Variants in DENND2B observed in about 807,000 individuals in gnomAD.
DENND2B encodes the protein DENN domain containing 2B.
DENND2B carries 32 observed loss-of-function variants against 116.0 expected under a neutral mutation model. The ratio of observed to expected loss-of-function variants is 0.28; its 90% confidence interval spans 0.21 to 0.37. DENND2B has a LOEUF of 0.37. DENND2B is among the 10% of genes least tolerant of loss of function. The pLI, the probability that DENND2B is intolerant of heterozygous loss-of-function variation, is 1.00. For missense variants in DENND2B, 1,276 were observed against 1,477.7 expected (o/e 0.86, Z 2.24); for synonymous variants, 588 against 583.9 (o/e 1.01, Z -0.10).
intron 3 of DENND2B, among the ~76,000 whole-genome samples, chr11:8,853,425 A>G (rs570891244): frequency 6.6e-6 from 1 of 152,316 alleles, no homozygotes; most frequent in Non-Finnish European, 1.5e-5. Context: ...CTCCGCTGCC[A>G]AGTGAGGACA....
At position 8,711,133 on chromosome 11, in the gene DENND2B, T is replaced by G; in HGVS notation, c.2271A>C (p.Ser757=). The G allele has an allele frequency of 6.2e-7, 1 of 1,614,098 alleles. No individual in the cohort carries two copies. Among genetic ancestry groups the G allele is most frequent in the African/African-American group, 1.3e-5 (1 of 75,052 alleles). Residue 757 remains serine, a synonymous_variant, in exon 10 of 20, where the codon TCA becomes TCC. Coordinates refer to ENST00000313726, the MANE Select transcript of DENND2B (RefSeq NM_213618.2). ...AGGCCAGGCCTCACCTGCTATACTC[T>G]GACACAGGAAGCCAGTCCTTGGCAT... ...FPDAKDWLPV[S]EYSSETFSFM...
chr11:8,804,547 C>CTTTTTTTTT (rs58169547), intron 1 of DENND2B, among the ~76,000 whole-genome samples: 5 of 129,628 alleles, frequency 3.9e-5, no homozygotes, highest in Non-Finnish European at 6.3e-5. Flanking sequence ...GCAGCTACTT[C>CTTTTTTTTT]TTTTTTTTTT....
chr11:8,808,756 G>C (rs1295819200), intron 1 of DENND2B: 12 of 152,260 alleles, frequency 7.9e-5, no homozygotes, highest in African/African-American at 2.9e-4. Context: ...CCTCCCAACA[G>C]TCCTGTGAAG....
intron 4 of DENND2B, chr11:8,831,797 G>A (rs932750440): frequency 1.3e-5 from 2 of 152,264 alleles, no homozygotes; most frequent in Admixed American, 1.3e-4. Context: ...CTTCTACCCA[G>A]TGTGTGTTCA....
upstream of DENND2B, among the ~76,000 whole-genome samples, chr11:8,871,753 A>G (rs764066807): frequency 4.1e-4 from 62 of 152,332 alleles, no homozygotes; most frequent in Non-Finnish European, 8.4e-4. Context: ...TTGCAAAAAC[A>G]AAAACTAGAA....
At chr11:8,887,122 G>A (rs905140090) in intron 1 of DENND2B, among the ~76,000 whole-genome samples, 2 of 152,092 alleles carry the variant, frequency 1.3e-5, no homozygotes, top group South Asian at 2.1e-4. Context: ...GAGCCACCAC[G>A]CCCGGCCTGT....
intron 1 of DENND2B, among the ~76,000 whole-genome samples, chr11:8,899,737 G>A (rs1431962616): frequency 2.0e-5 from 3 of 152,192 alleles, no homozygotes; most frequent in Non-Finnish European, 4.4e-5. Context: ...TGATTTTAGA[G>A]TTACTCAAAT....
rs1256599661 is a variant in DENND2B at position 8,702,729 on chromosome 11, G to C, written c.2572-9C>G. On this transcript the variant is annotated splice_polypyrimidine_tract_variant and intron_variant, in intron 13 of 19. Coordinates refer to ENST00000313726, the MANE Select transcript of DENND2B (RefSeq NM_213618.2). This position sits in a 1 kb window ranked among gnomAD's most constrained non-coding sequence, Gnocchi z 4.6. ...CGCCGCAGCTCTAACACCTGCAGGA[G>C]AGCGATGGGAAAGTGGGCCGGGGCC... 1.9e-6 allele frequency: 3 copies of C among 1,609,724 alleles called. No individual in the cohort carries two copies. The highest frequency in any genetic ancestry group is 4.5e-5 in the East Asian group (2 of 44,858).
chr11:8,853,170 C>T (rs986844660), intron 3 of DENND2B, among the ~76,000 whole-genome samples: 5 of 152,052 alleles, frequency 3.3e-5, no homozygotes, highest in Non-Finnish European at 7.4e-5. Flanking sequence ...TCGAGACCGG[C>T]CTGGCCAACA....
chr11:8,711,002 G>T, intron 10 of DENND2B, 88 bp from the exon 11 acceptor site: 1 of 1,573,970 alleles, frequency 6.4e-7, no homozygotes, highest in Non-Finnish European at 8.7e-7. Context: ...TTTCACGTGG[G>T]GTGAAGGGCC....
chr11:8,766,677 CA>C (rs1169462116), intron 1 of DENND2B: 48 of 1,288,104 alleles, frequency 3.7e-5, no homozygotes, highest in Non-Finnish European at 3.8e-5. Flanking sequence ...CTATGCGCCC[CA>C]CCTCCATTCT....
chr11:8,880,369 G>GTGTGTGTGTGTGTC (rs2063890758), intron 2 of DENND2B, among the ~76,000 whole-genome samples: 1 of 151,796 alleles, frequency 6.6e-6, no homozygotes. Context: ...GTGTGTGTGT[G>GTGTGTGTGTGTGTC]TGTGTGTGTG....
intron 1 of DENND2B, among the ~76,000 whole-genome samples, chr11:8,756,189 A>G (rs2053575244): frequency 6.6e-6 from 1 of 152,066 alleles, no homozygotes; most frequent in East Asian, 1.9e-4. Flanking sequence ...CATGACCAGA[A>G]ACTGAAACAT....
At chr11:8,717,952 C>A (rs185407969) in intron 4 of DENND2B, 60 bp from the exon 5 acceptor site, 3 of 1,567,862 alleles carry the variant, frequency 1.9e-6, no homozygotes, top group African/African-American at 2.7e-5. Context: ...CACGAACTCA[C>A]ACACACACAA....
At chr11:8,798,423 T>C (rs2060019174) in intron 1 of DENND2B, among the ~76,000 whole-genome samples, 1 of 152,170 alleles carries the variant, frequency 6.6e-6, no homozygotes, top group Non-Finnish European at 1.5e-5. Flanking sequence ...GACTGAGGAT[T>C]AACTTTTGGG....
intron 4 of DENND2B, among the ~76,000 whole-genome samples, chr11:8,820,812 T>A (rs1336129189): frequency 6.6e-6 from 1 of 152,268 alleles, no homozygotes; most frequent in South Asian, 2.1e-4. Flanking sequence ...AGATGGACTA[T>A]TGTGCAGCCA....
intron 4 of DENND2B, chr11:8,718,515 G>A: frequency 6.9e-7 from 1 of 1,456,068 alleles, no homozygotes; most frequent in South Asian, 1.4e-5. Flanking sequence ...TTAGCAAGGA[G>A]GAAGTGTTCA....
At chr11:8,698,592 G>A (rs2040888809) in intron 16 of DENND2B, among the ~76,000 whole-genome samples, 1 of 152,156 alleles carries the variant, frequency 6.6e-6, no homozygotes, top group Non-Finnish European at 1.5e-5. Flanking sequence ...AACATTTCAA[G>A]GCAGGTGTTG....
upstream of DENND2B, among the ~76,000 whole-genome samples, chr11:8,814,294 A>C: frequency 8.4e-6 from 1 of 119,158 alleles, no homozygotes. Flanking sequence ...TTAACACCAG[A>C]TCAGGTCATT....
Sources: gnomAD v4.1 joint callset for allele counts (sites outside exome capture counted in the v4.1 genomes callset) on GRCh38, gnomAD v4.1.1 for gene constraint, Gnocchi (gnomAD v3.1) non-coding constraint, MANE v1.5 for transcripts, NCBI Gene and HGNC (gene_info 2026-07-23, HGNC 2026-07-21) for gene names.